The following C6orf132 variants were observed in gnomAD, a reference collection of about 807,000 sequenced individuals.
C6orf132 encodes the protein uncharacterized protein C6orf132.
A neutral mutation model predicts 65.3 loss-of-function variants in C6orf132; 43 were observed. The ratio of observed to expected loss-of-function variants is 0.66; its 90% CI spans 0.52 to 0.85. C6orf132 has a LOEUF of 0.85. Among genes scored for constraint, C6orf132 ranks in the 40% least tolerant of loss-of-function variants. The pLI is 0.00. For missense variants in C6orf132, 1,488 were observed against 1,548.8 expected, an observed-to-expected ratio of 0.96 and a Z score of 0.66; for synonymous variants, 631 against 654.1, an observed-to-expected ratio of 0.96 and a Z score of 0.54.
At chr6:42,128,526 C>T (rs1299336143) in intron 2 of C6orf132, 146 bp downstream of exon 2, 41 of 627,914 alleles carry the variant, frequency 6.5e-5, no homozygotes, top group Non-Finnish European at 1.0e-4. Context: ...GACCATGCCT[C>T]CTTCCAGTAG....
chr6:42,118,544 C>T (rs1384616430), intron 2 of C6orf132, among the ~76,000 whole-genome samples: 1 of 152,168 alleles, frequency 6.6e-6, no homozygotes, highest in Non-Finnish European at 1.5e-5. Context: ...TGGCAGCCCA[C>T]ATCGAAAGGG....
chr6:42,114,857 T>C (rs143864504), intron 2 of C6orf132, among the ~76,000 whole-genome samples: 4,712 of 151,796 alleles, frequency 0.031, 109 homozygotes, highest in Middle Eastern at 0.048. Flanking sequence ...ATACAAAAAT[T>C]AGCCAGGCGT....
At chr6:42,123,579 GAAGA>G (rs1766723198) in intron 2 of C6orf132, among the ~76,000 whole-genome samples, 1 of 150,322 alleles carries the variant, frequency 6.7e-6, no homozygotes, top group Non-Finnish European at 1.5e-5. Flanking sequence ...GAAGAAGAAA[GAAGA>G]AAGAAGAAGA....
At chr6:42,127,059 A>T (rs1582280926) in intron 2 of C6orf132, among the ~76,000 whole-genome samples, 1 of 152,080 alleles carries the variant, frequency 6.6e-6, no homozygotes, top group Middle Eastern at 3.4e-3. Flanking sequence ...AGCTCAAGCA[A>T]TCCTCCTGCC....
intron 1 of C6orf132, among the ~76,000 whole-genome samples, chr6:42,138,326 C>T (rs993426609): frequency 6.6e-6 from 1 of 152,194 alleles, no homozygotes; most frequent in East Asian, 1.9e-4. Context: ...GGGTCTCGCT[C>T]TGCCACCAAG....
rs1766324579 is a variant in C6orf132, at chr6:42,103,271, A to G, written c.*490T>C. 2 of 394,662 alleles carry G rather than the reference A, an allele frequency of 5.1e-6. No individual in the cohort carries two copies. The highest frequency in any genetic ancestry group is 1.3e-3 in the Middle Eastern group (2 of 1,586). The allele number at this position is 394,662 out of a possible 1,614,324, so 24.4% of individuals were successfully genotyped here. ...GGATGGCAGGTGATGGAGGCTAAAG[A>G]TCTCCCTTCGGTGCCCTGCACACCC... On this transcript the variant is annotated 3_prime_UTR_variant, in exon 5 of 5. Transcript: ENST00000341865.
Position 42,106,624 on chromosome 6 carries a change from A to C in C6orf132, c.1288T>G (p.Phe430Val). The stretch of plus-strand genomic sequence containing the variant: ...GAGCTGGATTTAGGGGTTTTTGTAA[A>C]CCCAGCAGGTGGATGGGCTGCCTTC... ...AQKAAHPPAG[F>V]TKTPKSSSPA... Residue 430 changes from phenylalanine to valine, a missense_variant, in exon 4 of 5, where the codon TTT (phenylalanine) becomes GTT (valine). Phe to Val is a conservative substitution (Grantham distance 50, BLOSUM62 -1). Coordinates refer to ENST00000341865, the MANE Select transcript of C6orf132 (RefSeq NM_001164446.3). 2 of 1,528,712 alleles carry C rather than the reference A, an allele frequency of 1.3e-6. No homozygotes were observed. Among genetic ancestry groups the C allele is most frequent in the Non-Finnish European group, 1.7e-6 (2 of 1,143,744 alleles). The allele number at this position is 1,528,712 out of a possible 1,614,324, so 94.7% of individuals were successfully genotyped here.
chr6:42,132,012 G>C (rs910319263), intron 1 of C6orf132, among the ~76,000 whole-genome samples: 3 of 152,070 alleles, frequency 2.0e-5, no homozygotes, highest in Non-Finnish European at 4.4e-5. Context: ...CGCTGTGAGA[G>C]GCGCTCAGCT....
At position 42,106,305 on chromosome 6, in the gene C6orf132, C is replaced by G; in HGVS notation, c.1607G>C (p.Ser536Thr). The change falls in exon 4 of 5, where the codon AGC becomes ACC. Residue 536 changes from serine (S) to threonine (T), a missense_variant. Transcript: ENST00000341865. ...GGGGGCAGCCTCTGTCTCTGTCAGG[C>G]TGCTGCCGCCAAGACTCTTTTCAGG... ...GVPEKSLGGSSLTETEAAPSL... is the reference protein window; with the variant it reads ...GVPEKSLGGSTLTETEAAPSL... 1.3e-6 allele frequency: 2 copies of G among 1,536,634 alleles called. No homozygotes were observed. Among genetic ancestry groups the G allele is most frequent in the Admixed American group, 3.9e-5 (2 of 50,996 alleles).
chr6:42,142,600 C>T lies in C6orf132; in HGVS notation c.-156G>A. 2 of 617,778 alleles carry T rather than the reference C, an allele frequency of 3.2e-6. No homozygotes were observed. The highest frequency in any genetic ancestry group is 3.5e-5 in the East Asian group (1 of 28,386). The allele number at this position is 617,778 out of a possible 1,614,324, so 38.3% of individuals were successfully genotyped here. ...CGCACCGGGCAACAGGTGCTGCGGG[C>T]GCCGCCGCTTGCCGGGAAATGCGAG... is the stretch of plus-strand genomic sequence containing the variant. On this transcript the variant is annotated 5_prime_UTR_variant, in exon 1 of 5. Transcript: ENST00000341865.
rs1468115556 is a variant in C6orf132, at chr6:42,104,779, A to G, written c.3133T>C (p.Tyr1045His). Residue 1045 changes from tyrosine to histidine, a missense_variant, in exon 4 of 5, where the codon TAC becomes CAC. Transcript: ENST00000341865. The surrounding 1 kb of genome is among the most constrained non-coding windows in gnomAD (Gnocchi z 4.1). Reference protein sequence around the residue: ...GFSRFPAGARYAGAGGLERFS... With the variant: ...GFSRFPAGARHAGAGGLERFS... The stretch of plus-strand genomic sequence containing the variant: ...CGCTCCAGGCCCCCAGCCCCGGCGT[A>G]GCGCGCGCCCGCGGGAAAGCGCGAG... 7.3e-6 allele frequency: 11 copies of G among 1,500,312 alleles called. No homozygotes were observed. Among genetic ancestry groups the G allele is most frequent in the Non-Finnish European group, 9.7e-6 (11 of 1,131,886 alleles). 92.9% of individuals were successfully genotyped at this position (1,500,312 alleles called of 1,614,324 possible).
In C6orf132 at chr6:42,105,061, G is replaced by A. The variant is rs1376355626; in HGVS notation, c.2851C>T (p.Pro951Ser). 5.9e-6 allele frequency: 9 copies of A among 1,536,640 alleles called. No homozygotes were observed. In the East Asian group the frequency reaches 2.0e-4, roughly 33 times the overall value. The part of the protein sequence containing the change: ...QAPVAWERVA[P>S]SNLPQGHPLP... Reference sequence around the variant, plus strand: ...GGGTGGCCCTGGGGGAGGTTGGAGGGAGCTACTCTTTCCCAGGCCACAGGG... The same window carrying A: ...GGGTGGCCCTGGGGGAGGTTGGAGGAAGCTACTCTTTCCCAGGCCACAGGG... Residue 951 changes from proline to serine, a missense_variant, in exon 4 of 5, where the codon CCC (proline) becomes TCC (serine). By Grantham distance (74) the Pro-to-Ser change is moderately conservative. Transcript: ENST00000341865.
Position 42,124,511 on chromosome 6 carries a change from G to A in C6orf132, c.252+4161C>T, listed in dbSNP as rs986464263. On this transcript the variant is annotated intron_variant, in intron 2 of 4. Coordinates refer to ENST00000341865, the MANE Select transcript of C6orf132 (RefSeq NM_001164446.3). This position sits in a 1 kb window ranked among gnomAD's most constrained non-coding sequence, Gnocchi z 4.0. ...CTGACTTCTTGGGCACTGCTACCTC[G>A]TACCTCCCCTACCCACTGGGCAGCC... Among the ~76,000 whole-genome samples the A allele has an allele frequency of 6.6e-6, 1 of 152,160 alleles. No individual in the cohort carries two copies. The highest frequency in any genetic ancestry group is 2.4e-5 in the African/African-American group (1 of 41,440).
chr6:42,137,391 G>T (rs772602020), intron 1 of C6orf132, among the ~76,000 whole-genome samples: 1 of 152,132 alleles, frequency 6.6e-6, no homozygotes, highest in South Asian at 2.1e-4. Context: ...CAGGGAACAG[G>T]AGTAAACAAA....
chr6:42,136,060 TA>T (rs1766936493), intron 1 of C6orf132, among the ~76,000 whole-genome samples: 1 of 151,530 alleles, frequency 6.6e-6, no homozygotes, highest in Admixed American at 6.6e-5. Context: ...CATGTATACA[TA>T]TGTAACTAAC....
intron 1 of C6orf132, among the ~76,000 whole-genome samples, chr6:42,129,476 T>C (rs1766820878): frequency 6.6e-6 from 1 of 152,224 alleles, no homozygotes; most frequent in East Asian, 1.9e-4. Flanking sequence ...TAGTGCCGTA[T>C]AGCACTGTTG....
Position 42,142,565 on chromosome 6 carries a change from T to C in C6orf132, c.-121A>G. On this transcript the variant is annotated 5_prime_UTR_variant, in exon 1 of 5. Coordinates refer to ENST00000341865, the MANE Select transcript of C6orf132 (RefSeq NM_001164446.3). ...TACCAGGCCATGTCCCCCGCCGTCC[T>C]CCCCGCCCGCGCACCGGGCAACAGG... 2.6e-5 allele frequency: 12 copies of C among 463,846 alleles called. No homozygotes were observed. Among genetic ancestry groups the C allele is most frequent in the Non-Finnish European group, 2.5e-5 (8 of 320,870 alleles). 28.7% of individuals were successfully genotyped at this position (463,846 alleles called of 1,614,324 possible). A position where few individuals can be genotyped will look rare whatever the true frequency, so the allele number is the denominator to read the frequency against.
chr6:42,130,389 G>A (rs1011160858), intron 1 of C6orf132, among the ~76,000 whole-genome samples: 2 of 152,212 alleles, frequency 1.3e-5, no homozygotes, highest in African/African-American at 4.8e-5. Context: ...CACCACGAAA[G>A]CCCCCAATTC....
chr6:42,136,037 C>T (rs1321889803), intron 1 of C6orf132, among the ~76,000 whole-genome samples: 6 of 151,796 alleles, frequency 4.0e-5, no homozygotes, highest in Admixed American at 2.0e-4. Context: ...GGGTGCAGCA[C>T]ACCAGCATGG....
Sources: gnomAD v4.1 joint callset for allele counts (sites outside exome capture counted in the v4.1 genomes callset) on GRCh38, gnomAD v4.1.1 for gene constraint, Gnocchi (gnomAD v3.1) non-coding constraint, MANE v1.5 for transcripts, NCBI Gene and HGNC (gene_info 2026-07-23, HGNC 2026-07-21) for gene names.